Variants in TBC1D4 observed in about 807,000 individuals in gnomAD.
TBC1D4 encodes TBC (Tre-2, BUB2, CDC16) domain-containing protein.
In TBC1D4, 121 loss-of-function variants were observed where a neutral mutation model predicts 142.5. That is an observed-to-expected ratio of 0.85 (90% CI 0.73 to 0.99). The LOEUF (loss-of-function observed/expected upper bound fraction) is 0.99. Ranked by LOEUF, TBC1D4 falls within the 50% of genes least tolerant of loss-of-function variation. TBC1D4 has a pLI of 0.00. For synonymous variants in TBC1D4, 630 were observed against 628.2 expected (o/e 1.00, Z -0.04); for missense variants, 1,475 against 1,606.6 (o/e 0.92, Z 1.40).
chr13:75,317,026 C>G (rs1878371834), intron 12 of TBC1D4, among the ~76,000 whole-genome samples: 1 of 152,164 alleles, frequency 6.6e-6, no homozygotes, highest in Non-Finnish European at 1.5e-5. Flanking sequence ...TCACAGCAAC[C>G]TTGCAAGGTA....
intron 1 of TBC1D4, among the ~76,000 whole-genome samples, chr13:75,432,357 A>G (rs1593879161): frequency 6.6e-6 from 1 of 152,226 alleles, no homozygotes; most frequent in African/African-American, 2.4e-5. Flanking sequence ...TTGAAACTCC[A>G]TGTTCTGAGG....
intron 1 of TBC1D4, among the ~76,000 whole-genome samples, chr13:75,370,005 T>C (rs1883139386): frequency 6.6e-6 from 1 of 152,134 alleles, no homozygotes; most frequent in East Asian, 1.9e-4. Context: ...TGGAAAGACA[T>C]AAAATTTTGA....
At chr13:75,347,081 A>G (rs1235059314) in intron 5 of TBC1D4, among the ~76,000 whole-genome samples, 1 of 152,194 alleles carries the variant, frequency 6.6e-6, no homozygotes, top group Non-Finnish European at 1.5e-5. Flanking sequence ...AGTATGTGCA[A>G]TGTTAGGTTA....
chr13:75,322,336 C>T (rs1878847882), intron 11 of TBC1D4, among the ~76,000 whole-genome samples: 1 of 152,038 alleles, frequency 6.6e-6, no homozygotes, highest in South Asian at 2.1e-4. Flanking sequence ...AAAAGTTTGC[C>T]ATATATTTCA....
intron 1 of TBC1D4, among the ~76,000 whole-genome samples, chr13:75,463,096 A>G (rs1888036069): frequency 6.6e-6 from 1 of 152,178 alleles, no homozygotes; most frequent in African/African-American, 2.4e-5. Context: ...ACCATCAGTC[A>G]AACACCCAAG....
chr13:75,462,311 C>T lies in TBC1D4; in HGVS notation c.498+18959G>A, dbSNP rs1888004428. Among the ~76,000 whole-genome samples the T allele has an allele frequency of 2.0e-5, 3 of 152,172 alleles. 1 individual carries two copies. Among genetic ancestry groups the T allele is most frequent in the Admixed American group, 2.0e-4 (3 of 15,280 alleles). On this transcript the variant is annotated intron_variant, in intron 1 of 20. Transcript: ENST00000377636. The stretch of plus-strand genomic sequence containing the variant: ...CGTTCTAAGCCTCACCCCACATCTA[C>T]AGACCTAAAGTTTAATATGATACCT...
At position 75,286,933 on chromosome 13, in the gene TBC1D4, T is replaced by C. The variant is rs753675079; in HGVS notation, c.3756A>G (p.Glu1252=). ...TCTTTTGATAAGCCATTTTTTCTTG[T>C]TCCAGGGTCCGGATTAAAGACTTCA... ...TKMKSLIRTL[E]QEKMAYQKTV... The change falls in exon 21 of 21, where the codon GAA becomes GAG. Residue 1252 remains glutamate, a synonymous_variant. Transcript: ENST00000377636. The C allele has an allele frequency of 1.1e-5, 18 of 1,613,934 alleles. No homozygotes were observed. The East Asian group carries it at 3.8e-4, about 34-fold the overall frequency.
intron 1 of TBC1D4, among the ~76,000 whole-genome samples, chr13:75,469,480 A>T (rs1256702707): frequency 6.6e-6 from 1 of 152,180 alleles, no homozygotes; most frequent in Non-Finnish European, 1.5e-5. Context: ...CATACAAAAA[A>T]TGAATTTTGG....
rs147352738 is a variant in TBC1D4 at position 75,363,683 on chromosome 13, G to A, written c.499-1076C>T. ...TGTGCCCTAACCACCCTGGGGACAT[G>A]TCATCAGGACTTCCTGGGGCTGTGT... On this transcript the variant is annotated intron_variant, in intron 1 of 20. Coordinates refer to ENST00000377636, the MANE Select transcript of TBC1D4 (RefSeq NM_014832.5). Among the ~76,000 whole-genome samples, 58 of 152,300 alleles carry A rather than the reference G, an allele frequency of 3.8e-4. No homozygotes were observed. The East Asian group carries it at 9.9e-3, about 26-fold the overall frequency.
intron 16 of TBC1D4, among the ~76,000 whole-genome samples, chr13:75,300,980 C>A (rs555023753): frequency 6.6e-6 from 1 of 152,032 alleles, no homozygotes; most frequent in African/African-American, 2.4e-5. Flanking sequence ...TTTTTAATTC[C>A]GCTGGGCTCA....
At chr13:75,347,961 C>A (rs1881287913) in intron 5 of TBC1D4, among the ~76,000 whole-genome samples, 2 of 152,104 alleles carry the variant, frequency 1.3e-5, no homozygotes, top group South Asian at 4.2e-4. Context: ...CATAGTGAGA[C>A]CCCATCTCTA....
intron 11 of TBC1D4, among the ~76,000 whole-genome samples, 179 bp downstream of exon 11, chr13:75,324,058 A>C (rs1242991214): frequency 3.9e-5 from 6 of 152,234 alleles, no homozygotes; most frequent in Non-Finnish European, 8.8e-5. Flanking sequence ...CTACTGGTTG[A>C]AAAAGTTCTC....
chr13:75,459,728 G>C (rs1002129150), intron 1 of TBC1D4, among the ~76,000 whole-genome samples: 1 of 151,850 alleles, frequency 6.6e-6, no homozygotes, highest in Non-Finnish European at 1.5e-5. Flanking sequence ...TTAGTGTCTA[G>C]GTCAATCCTT....
intron 3 of TBC1D4, among the ~76,000 whole-genome samples, chr13:75,358,549 T>A (rs374507400): frequency 6.6e-6 from 1 of 152,126 alleles, no homozygotes; most frequent in East Asian, 1.9e-4. Flanking sequence ...AGGCAAACAA[T>A]TAAGGTGTAC....
intron 1 of TBC1D4, among the ~76,000 whole-genome samples, chr13:75,410,733 G>A (rs961358929): frequency 1.8e-4 from 28 of 151,660 alleles, no homozygotes; most frequent in African/African-American, 5.6e-4. Context: ...TCAGGAGATC[G>A]AGACCATCCT....
At chr13:75,387,532 A>G (rs1035583539) in intron 1 of TBC1D4, among the ~76,000 whole-genome samples, 36 of 152,214 alleles carry the variant, frequency 2.4e-4, no homozygotes, top group African/African-American at 8.4e-4. Flanking sequence ...GGTTCACTGA[A>G]TTATGCAAAT....
chr13:75,339,416 C>T (rs1880490650), intron 7 of TBC1D4, among the ~76,000 whole-genome samples: 1 of 152,062 alleles, frequency 6.6e-6, no homozygotes, highest in Non-Finnish European at 1.5e-5. Context: ...CCTTCCATGA[C>T]AAAGTCAGGC....
chr13:75,384,298 T>A (rs531990718), intron 1 of TBC1D4, among the ~76,000 whole-genome samples: 1 of 152,118 alleles, frequency 6.6e-6, no homozygotes, highest in African/African-American at 2.4e-5. Flanking sequence ...TAGCTGGGCA[T>A]GCTGGTGGGT....
At chr13:75,426,234 G>A (rs1886365374) in intron 1 of TBC1D4, among the ~76,000 whole-genome samples, 1 of 152,098 alleles carries the variant, frequency 6.6e-6, no homozygotes, top group Non-Finnish European at 1.5e-5. Flanking sequence ...AATACAATGA[G>A]ATACCACCTC....
Sources: gnomAD v4.1 joint callset for allele counts (sites outside exome capture counted in the v4.1 genomes callset) on GRCh38, gnomAD v4.1.1 for gene constraint, MANE v1.5 for transcripts, NCBI Gene and HGNC (gene_info 2026-07-23, HGNC 2026-07-21) for gene names.